Variants in ERICH3 observed in about 807,000 individuals in gnomAD.
ERICH3 encodes the protein glutamate-rich protein 3.
Under a neutral mutation model 131.1 loss-of-function variants are expected in ERICH3, and 126 were observed. That is an observed-to-expected ratio of 0.96 (90% CI 0.83 to 1.11). The LOEUF is 1.11. Among genes scored for constraint, ERICH3 ranks in the 50% most tolerant of loss-of-function variants. The pLI, the probability that ERICH3 is intolerant of heterozygous loss-of-function variation, is 0.00. For synonymous variants in ERICH3, 695 were observed against 644.6 expected (o/e 1.08, Z -1.18); for missense variants, 2,050 against 1,810.7 (o/e 1.13, Z -2.40).
At position 74,571,082 on chromosome 1, in the gene ERICH3, A is replaced by T. The variant is rs1175751410; in HGVS notation, c.*18+17T>A. The stretch of plus-strand genomic sequence containing the variant: ...GGCTGCTATTTAGTCCTACAAAGAC[A>T]TTACGCTTAAACTCACTGTCTGCCA... On this transcript the variant is annotated intron_variant, in intron 14 of 14. Coordinates refer to ENST00000326665, the MANE Select transcript of ERICH3 (RefSeq NM_001002912.5). 6.3e-7 allele frequency: 1 copy of T among 1,589,266 alleles called. No homozygotes were observed. Among genetic ancestry groups the T allele is most frequent in the Non-Finnish European group, 8.6e-7 (1 of 1,168,816 alleles).
At chr1:74,626,859 C>T (rs1649434646) in intron 7 of ERICH3, among the ~76,000 whole-genome samples, 1 of 152,112 alleles carries the variant, frequency 6.6e-6, no homozygotes, top group Admixed American at 6.6e-5. Flanking sequence ...CTGATCATCC[C>T]CAGAGACATG....
intron 8 of ERICH3, among the ~76,000 whole-genome samples, chr1:74,616,100 C>T (rs1249990910): frequency 6.6e-6 from 1 of 152,104 alleles, no homozygotes; most frequent in African/African-American, 2.4e-5. Flanking sequence ...CTCCTGGGTT[C>T]AAGCTATTCT....
chr1:74,673,659 C>G lies in ERICH3; in HGVS notation c.-140G>C. The G allele has an allele frequency of 3.7e-6, 3 of 813,286 alleles. No homozygotes were observed. The highest frequency in any genetic ancestry group is 5.2e-6 in the Non-Finnish European group (3 of 576,756). 50.4% of individuals were successfully genotyped at this position (813,286 alleles called of 1,614,324 possible). A position where few individuals can be genotyped will look rare whatever the true frequency, so the allele number is the denominator to read the frequency against. On this transcript the variant is annotated 5_prime_UTR_variant, in exon 1 of 15. Transcript: ENST00000326665. ...CCTGTGCGCGGGCACCTGGGCTGGG[C>G]CGCCGCCGCCCCTGGGCGCCCGGGC...
chr1:74,593,698 G>A (rs1355282731), intron 11 of ERICH3, among the ~76,000 whole-genome samples: 2 of 152,004 alleles, frequency 1.3e-5, no homozygotes. Context: ...ACCAAACCAT[G>A]ACATAGCACT....
chr1:74,573,217 G>A lies in ERICH3; in HGVS notation c.2493C>T (p.Ile831=). 6.2e-7 allele frequency: 1 copy of A among 1,612,350 alleles called. No individual in the cohort carries two copies. Among genetic ancestry groups the A allele is most frequent in the East Asian group, 2.2e-5 (1 of 44,866 alleles). Residue 831 remains isoleucine, a synonymous_variant, in exon 14 of 15, where the codon ATC becomes ATT. Coordinates refer to ENST00000326665, the MANE Select transcript of ERICH3 (RefSeq NM_001002912.5). ...CTGCCCCCCTTTCTATGCCTGGAGG[G>A]ATCTCCCTTTTTTCTGTAAACTCTT... is the stretch of plus-strand genomic sequence containing the variant. ...LAEEFTEKRE[I]PPGIERGAEG... is the part of the protein sequence containing the mutation.
intron 7 of ERICH3, chr1:74,621,298 A>G (rs150321272): frequency 2.8e-3 from 432 of 154,892 alleles, no homozygotes; most frequent in African/African-American, 1.0e-2. Flanking sequence ...ATCCAAACAA[A>G]TGAACTAAAT....
rs192720029 is a variant in ERICH3, at chr1:74,568,616, C to T, written c.*1842G>A. The T allele has an allele frequency of 1.1e-4, 16 of 152,148 alleles. No individual in the cohort carries two copies. Among genetic ancestry groups the T allele is most frequent in the Non-Finnish European group, 2.2e-4 (15 of 67,962 alleles). The allele number at this position is 152,148 out of a possible 1,614,324, so 9.4% of individuals were successfully genotyped here. On this transcript the variant is annotated 3_prime_UTR_variant, in exon 15 of 15. Transcript: ENST00000326665. ...AATAGGGAGTAGGGCAGAGGGACTT[C>T]GTGCATGTATCAATACAATCATAAT...
Position 74,636,382 on chromosome 1 carries a change from C to G in ERICH3, c.501G>C (p.Gln167His). The G allele has an allele frequency of 6.2e-7, 1 of 1,612,968 alleles. No homozygotes were observed. Among genetic ancestry groups the G allele is most frequent in the Non-Finnish European group, 8.5e-7 (1 of 1,179,250 alleles). Residue 167 changes from glutamine to histidine, a missense_variant, in exon 6 of 15, where the codon CAG becomes CAC. Physicochemically the swap from Gln to His is conservative, Grantham distance 24. Transcript: ENST00000326665. Reference protein sequence around the residue: ...PGNMQPPIRLQPLPSNPAVET... With the variant: ...PGNMQPPIRLHPLPSNPAVET... ...CTACTGCAGGATTACTGGGAAGAGGCTGTAATCGAATTGGAGGCTGCATAT... is the reference window on the plus strand; with the variant it reads ...CTACTGCAGGATTACTGGGAAGAGGGTGTAATCGAATTGGAGGCTGCATAT...
intron 1 of ERICH3, among the ~76,000 whole-genome samples, chr1:74,666,141 C>A (rs1436452364): frequency 6.6e-6 from 1 of 152,108 alleles, no homozygotes; most frequent in Non-Finnish European, 1.5e-5. Context: ...ATGAGGATCT[C>A]TAAGAAAGTC....
At chr1:74,601,984 T>C (rs1471528875) in intron 10 of ERICH3, among the ~76,000 whole-genome samples, 2 of 151,868 alleles carry the variant, frequency 1.3e-5, no homozygotes, top group Non-Finnish European at 2.9e-5. Flanking sequence ...TTAGTAGTAA[T>C]CGTCCTTGTG....
intron 1 of ERICH3, among the ~76,000 whole-genome samples, chr1:74,654,605 G>A (rs1295361771): frequency 6.6e-6 from 1 of 152,070 alleles, no homozygotes; most frequent in Non-Finnish European, 1.5e-5. Flanking sequence ...AGAACAGAGA[G>A]AGAAGCAAGC....
chr1:74,588,500 A>G (rs772303449), intron 12 of ERICH3, among the ~76,000 whole-genome samples: 38 of 150,858 alleles, frequency 2.5e-4, no homozygotes, highest in Non-Finnish European at 3.2e-4. Context: ...GTGGTTTAAC[A>G]GTAGTTTTTA....
intron 8 of ERICH3, among the ~76,000 whole-genome samples, chr1:74,618,451 C>T (rs1364316514): frequency 6.6e-6 from 1 of 152,012 alleles, no homozygotes; most frequent in African/African-American, 2.4e-5. Context: ...CAGATAGATG[C>T]AACAGGATCC....
intron 4 of ERICH3, among the ~76,000 whole-genome samples, chr1:74,642,133 T>A (rs1646442991): frequency 6.6e-6 from 1 of 152,116 alleles, no homozygotes; most frequent in Non-Finnish European, 1.5e-5. Context: ...TTGGCAAAGT[T>A]GGATTAACCA....
intron 7 of ERICH3, among the ~76,000 whole-genome samples, chr1:74,629,874 C>G (rs1254785008): frequency 6.6e-6 from 1 of 152,028 alleles, no homozygotes; most frequent in Non-Finnish European, 1.5e-5. Context: ...AAAGCAGGGA[C>G]ATAGTTCACA....
Position 74,573,410 on chromosome 1 carries a change from T to C in ERICH3, c.2300A>G (p.Tyr767Cys), listed in dbSNP as rs1234306821. ...CATTGCTTCTTTCTTCTCCAGTGTA[T>C]ACGTTTTTTGCACCAATTGCTGGGA... ...KESQQLVQKT[Y>C]TLEKKEAMEE... Residue 767 changes from tyrosine (Y) to cysteine (C), a missense_variant, in exon 14 of 15, where the codon TAT becomes TGT. Tyr to Cys is a radical substitution (Grantham distance 194). Coordinates refer to ENST00000326665, the MANE Select transcript of ERICH3 (RefSeq NM_001002912.5). The C allele has an allele frequency of 1.9e-6, 3 of 1,588,878 alleles. No individual in the cohort carries two copies. The African/African-American group carries it at 4.1e-5, about 22-fold the overall frequency.
chr1:74,589,283 T>G, intron 12 of ERICH3: 1 of 397,662 alleles, frequency 2.5e-6, no homozygotes, highest in Non-Finnish European at 4.4e-6. Context: ...TAAAAACAAA[T>G]AGTATTTCTA....
rs1399160856 is a variant in ERICH3, at chr1:74,620,872, C to T, written c.862G>A (p.Ala288Thr). 1 of 1,611,284 alleles carries T rather than the reference C, an allele frequency of 6.2e-7. No homozygotes were observed. The highest frequency in any genetic ancestry group is 1.7e-5 in the Admixed American group (1 of 59,602). Residue 288 changes from alanine to threonine, a missense_variant, in exon 8 of 15, where the codon GCT becomes ACT. Transcript: ENST00000326665. ...IHKTSLHSNA[A>T]ITMIYLGKNV... ...TTCCCCAAATAGATCATTGTAATAG[C>T]TGCATTACTATGTAAGGATGTTTTA...
At chr1:74,628,264 C>T (rs1649481393) in intron 7 of ERICH3, among the ~76,000 whole-genome samples, 1 of 152,104 alleles carries the variant, frequency 6.6e-6, no homozygotes, top group South Asian at 2.1e-4. Flanking sequence ...TGAATAACAT[C>T]ATGGGACTCA....
Sources: gnomAD v4.1 joint callset for allele counts (sites outside exome capture counted in the v4.1 genomes callset) on GRCh38, gnomAD v4.1.1 for gene constraint, MANE v1.5 for transcripts, NCBI Gene and HGNC (gene_info 2026-07-23, HGNC 2026-07-21) for gene names.